Variants in CDH23 observed in about 807,000 individuals in gnomAD.
CDH23 encodes cadherin-23.
CDH23 carries 189 observed loss-of-function variants against 317.1 expected under a neutral mutation model. The observed-to-expected ratio is 0.60, with a 90% CI of 0.53 to 0.67. The LOEUF is 0.67. Ranked by LOEUF, CDH23 falls within the 30% of genes least tolerant of loss-of-function variation. CDH23 has a pLI of 0.00. For synonymous variants in CDH23, 1,839 were observed against 1,876.8 expected (o/e 0.98, Z 0.52); for missense variants, 4,401 against 4,592.4 (o/e 0.96, Z 1.20).
intron 29 of CDH23, 141 bp from the exon 30 acceptor site, chr10:71,725,231 G>A (rs936777749): frequency 2.0e-6 from 3 of 1,471,224 alleles, no homozygotes; most frequent in African/African-American, 1.4e-5. Flanking sequence ...CCTCTCCACT[G>A]TGAATTCTGT....
intron 57 of CDH23, among the ~76,000 whole-genome samples, chr10:71,806,553 C>T (rs962675843): frequency 6.7e-6 from 1 of 149,398 alleles, no homozygotes; most frequent in African/African-American, 2.5e-5. Context: ...CACATACACA[C>T]ACACAAAGCA....
intron 28 of CDH23, chr10:71,713,946 C>T (rs1866100270): frequency 6.5e-6 from 1 of 152,788 alleles, no homozygotes; most frequent in Admixed American, 6.5e-5. Context: ...AGGAACAAAA[C>T]CCTTAGGGAG....
At chr10:71,570,977 C>T in intron 8 of CDH23, 59 bp downstream of exon 8, 1 of 1,587,232 alleles carries the variant, frequency 6.3e-7, no homozygotes, top group Non-Finnish European at 8.6e-7. Flanking sequence ...TCCTTCTGAG[C>T]TCCTGTTAGG....
rs141467772 is a variant in CDH23 at position 71,601,173 on chromosome 10, C to A, written c.833-14331C>A. On this transcript the variant is annotated intron_variant, in intron 9 of 69. Transcript: ENST00000224721. ...ACAATCTGCATCCTTTCTGGTGGAG[C>A]CTTCTAGAAGCATTGTTTCTAGGGA... Among the ~76,000 whole-genome samples the A allele has an allele frequency of 8.1e-4, 123 of 152,318 alleles. 1 individual carries two copies. The highest frequency in any genetic ancestry group is 3.4e-3 in the Middle Eastern group (1 of 294).
At chr10:71,398,917 GC>G (rs1179569545) in intron 1 of CDH23, among the ~76,000 whole-genome samples, 3 of 152,148 alleles carry the variant, frequency 2.0e-5, no homozygotes, top group Non-Finnish European at 4.4e-5. Flanking sequence ...TAGCATCCTG[GC>G]CCCGTCTGTG....
chr10:71,793,115 T>C lies in CDH23; in HGVS notation c.6254-67T>C. On this transcript the variant is annotated intron_variant, in intron 47 of 69. Coordinates refer to ENST00000224721, the MANE Select transcript of CDH23 (RefSeq NM_022124.6). ...GGGACTTGAGAAGATCACCAACAAA[T>C]GTGTCTTGGTAGATCTTTCTGGAAG... 6.5e-6 allele frequency: 8 copies of C among 1,222,524 alleles called. No individual in the cohort carries two copies. In the Admixed American group the frequency reaches 1.1e-4, roughly 17 times the overall value. 75.7% of individuals were successfully genotyped at this position (1,222,524 alleles called of 1,614,324 possible).
intron 69 of CDH23, among the ~76,000 whole-genome samples, chr10:71,813,967 G>A (rs530713354): frequency 1.3e-5 from 2 of 152,342 alleles, no homozygotes; most frequent in East Asian, 3.9e-4. Context: ...ATGTTTGCCT[G>A]TAATGATTAT....
Position 71,793,583 on chromosome 10 carries a change from G to A in CDH23, c.6655G>A (p.Asp2219Asn), listed in dbSNP as rs555684781. ...YHIVGIVAKDDTDRLVPNQED... is the reference protein window; with the variant it reads ...YHIVGIVAKDNTDRLVPNQED... ...CATTGTCGGCATTGTGGCCAAGGAC[G>A]ACACTGATCGCCTGGTGCCCAACCA... The change falls in exon 48 of 70, where the codon GAC becomes AAC. Residue 2219 changes from aspartate (D) to asparagine (N), a missense_variant. Physicochemically the swap from Asp to Asn is conservative, Grantham distance 23 (BLOSUM62 1). Around this residue, in one of 3 missense-constraint regions of CDH23, gnomAD observed 3,068 missense variants for 3,203.3 expected, o/e 0.96. Coordinates refer to ENST00000224721, the MANE Select transcript of CDH23 (RefSeq NM_022124.6). The A allele has an allele frequency of 3.9e-5, 63 of 1,610,378 alleles. No homozygotes were observed. Among genetic ancestry groups the A allele is most frequent in the African/African-American group, 8.0e-5 (6 of 74,958 alleles).
At chr10:71,677,226 A>G (rs1346745479) in intron 15 of CDH23, among the ~76,000 whole-genome samples, 1 of 152,142 alleles carries the variant, frequency 6.6e-6, no homozygotes, top group African/African-American at 2.4e-5. Context: ...CCTTGCTTAA[A>G]TCAGGCAACT....
chr10:71,562,626 C>T (rs1015229611), intron 6 of CDH23, among the ~76,000 whole-genome samples: 24 of 152,236 alleles, frequency 1.6e-4, no homozygotes, highest in African/African-American at 5.5e-4. Flanking sequence ...GGAGCTGAGA[C>T]CCATGCAGGC....
intron 15 of CDH23, among the ~76,000 whole-genome samples, chr10:71,676,010 C>A: frequency 7.0e-6 from 1 of 142,756 alleles, no homozygotes; most frequent in East Asian, 2.1e-4. Context: ...TAGGTTCAAG[C>A]AATTTTCCTG....
rs545549662 is a variant in CDH23 at position 71,566,846 on chromosome 10, C to T, written c.534C>T (p.Phe178=). The change falls in exon 7 of 70, where the codon TTC becomes TTT. Residue 178 remains phenylalanine, a synonymous_variant. Transcript: ENST00000224721. ...LYSFQPPSQF[F]AIDSARGIVT... ...CCTTCCAGCCCCCCTCCCAATTCTT[C>T]GCCATTGACAGCGCCCGCGGTATCG... 14 of 1,613,994 alleles carry T rather than the reference C, an allele frequency of 8.7e-6. No individual in the cohort carries two copies. Among genetic ancestry groups the T allele is most frequent in the East Asian group, 4.5e-5 (2 of 44,880 alleles).
intron 9 of CDH23, among the ~76,000 whole-genome samples, chr10:71,584,671 G>T (rs1315309308): frequency 6.6e-6 from 1 of 152,116 alleles, no homozygotes. Flanking sequence ...ATGGCCTAGT[G>T]GGGGACAGCT....
At chr10:71,405,948 A>T (rs2131904979) in intron 1 of CDH23, among the ~76,000 whole-genome samples, 1 of 152,306 alleles carries the variant, frequency 6.6e-6, no homozygotes, top group South Asian at 2.1e-4. Flanking sequence ...CAGTAGAAAA[A>T]TAATGCAAGC....
chr10:71,665,312 C>T (rs1414146044), intron 14 of CDH23, among the ~76,000 whole-genome samples: 1 of 152,208 alleles, frequency 6.6e-6, no homozygotes, highest in Non-Finnish European at 1.5e-5. Context: ...TCCCTGACCA[C>T]CCTGGTCCAA....
chr10:71,450,961 T>C (rs1412222513), intron 3 of CDH23, among the ~76,000 whole-genome samples: 1 of 152,188 alleles, frequency 6.6e-6, no homozygotes, highest in Non-Finnish European at 1.5e-5. Flanking sequence ...AGGGACATTT[T>C]CATCCTCAGT....
intron 24 of CDH23, among the ~76,000 whole-genome samples, chr10:71,703,788 G>A (rs1022817410): frequency 6.6e-6 from 1 of 152,202 alleles, no homozygotes; most frequent in African/African-American, 2.4e-5. Flanking sequence ...AACGGCAGTC[G>A]GTCCCCGAGG....
At chr10:71,580,351 G>A (rs1229767324) in intron 9 of CDH23, among the ~76,000 whole-genome samples, 1 of 152,248 alleles carries the variant, frequency 6.6e-6, no homozygotes, top group Non-Finnish European at 1.5e-5. Context: ...GGGAGACCCA[G>A]GATTTGAAAC....
intron 48 of CDH23, among the ~76,000 whole-genome samples, chr10:71,793,897 G>A (rs1313969636): frequency 5.9e-5 from 9 of 152,122 alleles, no homozygotes; most frequent in Admixed American, 5.2e-4. Flanking sequence ...GTGTATGAGA[G>A]CACCTATCTC....
Sources: gnomAD v4.1 joint callset for allele counts (sites outside exome capture counted in the v4.1 genomes callset) on GRCh38, gnomAD v4.1.1 for gene constraint, gnomAD v4.1.1 regional missense constraint, MANE v1.5 for transcripts, NCBI Gene and HGNC (gene_info 2026-07-23, HGNC 2026-07-21) for gene names.